Variants in PIGF observed in about 807,000 individuals in gnomAD.
The protein encoded by PIGF is phosphatidylinositol glycan anchor biosynthesis class F.
In PIGF, 23 loss-of-function variants were observed where a neutral mutation model predicts 26.0. The ratio of observed to expected loss-of-function variants is 0.88; its 90% CI spans 0.64 to 1.25. The LOEUF is 1.25. Among genes scored for constraint, PIGF ranks in the 50% most tolerant of loss-of-function variants. PIGF has a pLI of 0.00. For synonymous variants in PIGF, 93 were observed against 92.6 expected (o/e 1.00, Z -0.03); for missense variants, 278 against 249.9 (o/e 1.11, Z -0.76).
Position 46,612,254 on chromosome 2 carries a change from T to C in PIGF, c.411A>G (p.Ala137=). 1.4e-6 allele frequency: 2 copies of C among 1,379,324 alleles called. No individual in the cohort carries two copies. Among genetic ancestry groups the C allele is most frequent in the Non-Finnish European group, 9.7e-7 (1 of 1,033,878 alleles). 85.4% of individuals were successfully genotyped at this position (1,379,324 alleles called of 1,614,324 possible). Reference sequence around the variant, plus strand: ...CATTTCTACTGAACACTCTTAGCCATGCTTTGAGGTTTGGTCCTAACAAAC... The same window carrying C: ...CATTTCTACTGAACACTCTTAGCCACGCTTTGAGGTTTGGTCCTAACAAAC... ...CLCLLGPNLK[A]WLRVFSRNGV... The change falls in exon 4 of 6, where the codon GCA becomes GCG. Residue 137 remains alanine, a synonymous_variant. Coordinates refer to ENST00000281382, the MANE Select transcript of PIGF (RefSeq NM_002643.4).
At position 46,592,602 on chromosome 2, in the gene PIGF, T is replaced by C; in HGVS notation, c.438-19A>G. 2.3e-6 allele frequency: 3 copies of C among 1,296,186 alleles called. No individual in the cohort carries two copies. The highest frequency in any genetic ancestry group is 2.3e-5 in the East Asian group (1 of 43,396). The allele number at this position is 1,296,186 out of a possible 1,614,324, so 80.3% of individuals were successfully genotyped here. ...TGTAACTCTGTGAAACACAAATTGG[T>C]ACATCGTTGGTGGTATATACATGAG... On this transcript the variant is annotated intron_variant, in intron 4 of 5. Transcript: ENST00000281382.
At chr2:46,585,444 C>T (rs574466910) in intron 5 of PIGF, among the ~76,000 whole-genome samples, 20 of 152,216 alleles carry the variant, frequency 1.3e-4, no homozygotes, top group Admixed American at 5.2e-4. Context: ...ATAAGTGGTA[C>T]ATCAGATGTT....
At chr2:46,604,831 C>A (rs1171315227) in intron 4 of PIGF, among the ~76,000 whole-genome samples, 2 of 151,772 alleles carry the variant, frequency 1.3e-5, no homozygotes, top group Non-Finnish European at 2.9e-5. Context: ...AATAATTTAA[C>A]TGTACATTTA....
chr2:46,607,127 G>A (rs767820914), intron 4 of PIGF, among the ~76,000 whole-genome samples: 50 of 152,102 alleles, frequency 3.3e-4, no homozygotes, highest in Admixed American at 5.2e-4. Flanking sequence ...TGATGTGTAC[G>A]GTGTGTGAAT....
chr2:46,600,459 T>C (rs1670021719), intron 4 of PIGF, among the ~76,000 whole-genome samples: 1 of 152,148 alleles, frequency 6.6e-6, no homozygotes, highest in Admixed American at 6.5e-5. Flanking sequence ...TAAACCTTAA[T>C]AGGAAATTAG....
rs1669662513 is a variant in PIGF at position 46,589,300 on chromosome 2, GATCAC to G, written c.546+3170_546+3174del. Among the ~76,000 whole-genome samples the G allele has an allele frequency of 6.6e-6, 1 of 151,916 alleles. No homozygotes were observed. Among genetic ancestry groups the G allele is most frequent in the African/African-American group, 2.4e-5 (1 of 41,394 alleles). On this transcript the variant is annotated intron_variant, in intron 5 of 5. Coordinates refer to ENST00000281382, the MANE Select transcript of PIGF (RefSeq NM_002643.4). The surrounding 1 kb of genome is among the most constrained non-coding windows in gnomAD (Gnocchi z 4.7). ...TTAAGTTAAAAAACTTTTACATTGA[GATCAC>G]ATATTTTCAGTGGGCCTTTCCAGTC...
At chr2:46,584,947 C>A (rs1315633299) in intron 5 of PIGF, among the ~76,000 whole-genome samples, 44 of 152,120 alleles carry the variant, frequency 2.9e-4, no homozygotes, top group Admixed American at 2.9e-3. Flanking sequence ...ACTATGGCAA[C>A]AGAATTCATT....
Position 46,616,983 on chromosome 2 carries a change from C to A in PIGF, c.-35G>T. 1.9e-6 allele frequency: 1 copy of A among 540,164 alleles called. No individual in the cohort carries two copies. The highest frequency in any genetic ancestry group is 3.3e-6 in the Non-Finnish European group (1 of 302,614). The allele number at this position is 540,164 out of a possible 1,614,324, so 33.5% of individuals were successfully genotyped here. A position where few individuals can be genotyped will look rare whatever the true frequency, so the allele number is the denominator to read the frequency against. ...AGCGGGGCTTACCTAACTCTCCCTC[C>A]CGCGGAAGGGAAGCGGGGAACTACT... On this transcript the variant is annotated 5_prime_UTR_variant, in exon 1 of 6. Transcript: ENST00000281382.
At position 46,589,910 on chromosome 2, in the gene PIGF, A is replaced by G. The variant is rs867787446; in HGVS notation, c.546+2565T>C. 6.6e-6 allele frequency among the ~76,000 whole-genome samples: 1 copy of G among 152,140 alleles called. No homozygotes were observed. The highest frequency in any genetic ancestry group is 1.5e-5 in the Non-Finnish European group (1 of 67,958). On this transcript the variant is annotated intron_variant, in intron 5 of 5. Coordinates refer to ENST00000281382, the MANE Select transcript of PIGF (RefSeq NM_002643.4). The surrounding 1 kb of genome is among the most constrained non-coding windows in gnomAD (Gnocchi z 4.7). ...CCTCATTTCTTTAGTTTATTAGTAAATAACTGCTAAAAGGGCAAGGAGCAG... is the reference window on the plus strand; with the variant it reads ...CCTCATTTCTTTAGTTTATTAGTAAGTAACTGCTAAAAGGGCAAGGAGCAG...
chr2:46,584,612 G>C (rs1001306241), intron 5 of PIGF, among the ~76,000 whole-genome samples: 18 of 152,070 alleles, frequency 1.2e-4, no homozygotes, highest in Admixed American at 3.3e-4. Flanking sequence ...TGGAACACTT[G>C]GTTATTCATG....
chr2:46,611,530 G>A (rs545412304), intron 4 of PIGF, among the ~76,000 whole-genome samples: 11 of 151,292 alleles, frequency 7.3e-5, no homozygotes, highest in African/African-American at 2.4e-4. Flanking sequence ...ACCACACACA[G>A]CTTAGCATAA....
chr2:46,590,957 GTAGGCAGTTA>G (rs1289171608), intron 5 of PIGF, among the ~76,000 whole-genome samples: 2 of 152,186 alleles, frequency 1.3e-5, no homozygotes, highest in African/African-American at 4.8e-5. Context: ...AGAGCTAAAT[GTAGGCAGTTA>G]TGTGCAAGGC....
Position 46,614,931 on chromosome 2 carries a change from C to A in PIGF, c.228+6G>T, listed in dbSNP as rs372213956. ...CAAAAATCAGTTATTGAGACATAAGCCTTACCTTGTGTGATAATGAACTTC... is the reference window on the plus strand; with the variant it reads ...CAAAAATCAGTTATTGAGACATAAGACTTACCTTGTGTGATAATGAACTTC... On this transcript the variant is annotated splice_donor_region_variant and intron_variant, in intron 2 of 5. Coordinates refer to ENST00000281382, the MANE Select transcript of PIGF (RefSeq NM_002643.4). 1.5e-6 allele frequency: 2 copies of A among 1,297,458 alleles called. No individual in the cohort carries two copies. Among genetic ancestry groups the A allele is most frequent in the South Asian group, 2.4e-5 (2 of 84,196 alleles). The allele number at this position is 1,297,458 out of a possible 1,614,324, so 80.4% of individuals were successfully genotyped here. A position where few individuals can be genotyped will look rare whatever the true frequency, so the allele number is the denominator to read the frequency against.
At chr2:46,587,224 T>C (rs1243550930) in intron 5 of PIGF, among the ~76,000 whole-genome samples, 1 of 152,236 alleles carries the variant, frequency 6.6e-6, no homozygotes, top group Non-Finnish European at 1.5e-5. Flanking sequence ...CCTTTGGTAA[T>C]GGAAATACCA....
chr2:46,590,079 T>C (rs534846377), intron 5 of PIGF, among the ~76,000 whole-genome samples: 1 of 152,218 alleles, frequency 6.6e-6, no homozygotes, highest in Non-Finnish European at 1.5e-5. Context: ...ATAGTAAAGA[T>C]AATTACATGG....
intron 4 of PIGF, among the ~76,000 whole-genome samples, chr2:46,607,323 C>G (rs868457292): frequency 2.0e-5 from 3 of 152,102 alleles, no homozygotes; most frequent in African/African-American, 4.8e-5. Flanking sequence ...CAAACCTTTA[C>G]CAAGGAAACC....
At chr2:46,591,784 G>C in intron 5 of PIGF, 1 of 1,245,124 alleles carries the variant, frequency 8.0e-7, no homozygotes, top group Non-Finnish European at 1.0e-6. Context: ...TGTAAAATGG[G>C]TATAAAAAGA....
At chr2:46,591,615 C>G (rs1669724608) in intron 5 of PIGF, 1 of 943,656 alleles carries the variant, frequency 1.1e-6, no homozygotes, top group African/African-American at 1.8e-5. Context: ...AAAATACTGG[C>G]AATAATCTAA....
intron 5 of PIGF, among the ~76,000 whole-genome samples, chr2:46,583,725 C>T (rs1288355103): frequency 6.6e-6 from 1 of 152,128 alleles, no homozygotes; most frequent in Non-Finnish European, 1.5e-5. Context: ...GAAATTCAGA[C>T]TAATCACTGA....
Sources: allele counts gnomAD v4.1 joint callset (sites outside exome capture counted in the v4.1 genomes callset), GRCh38; gene constraint gnomAD v4.1.1; non-coding constraint Gnocchi (gnomAD v3.1); transcripts MANE v1.5; gene names NCBI Gene and HGNC (gene_info 2026-07-23, HGNC 2026-07-21).